The following TEX9 variants were observed in gnomAD, a reference collection of about 807,000 sequenced individuals.
TEX9 encodes testis-expressed protein 9.
In TEX9, 74 loss-of-function variants were observed where a neutral mutation model predicts 59.6. The ratio of observed to expected loss-of-function variants is 1.24; its 90% CI spans 1.03 to 1.51. The LOEUF is 1.51. Ranked by LOEUF, TEX9 falls within the 40% of genes most tolerant of loss-of-function variation. TEX9 has a pLI of 0.00. For synonymous variants in TEX9, 186 were observed against 152.2 expected, an observed-to-expected ratio of 1.22 and a Z score of -1.64; for missense variants, 522 against 447.8, an observed-to-expected ratio of 1.17 and a Z score of -1.49.
chr15:56,387,929 C>T (rs1408919934), intron 4 of TEX9, among the ~76,000 whole-genome samples: 6 of 151,918 alleles, frequency 3.9e-5, no homozygotes, highest in African/African-American at 7.2e-5. Context: ...AAATGAATTG[C>T]ATTTTACGTG....
chr15:56,431,387 C>G (rs1304791617), intron 12 of TEX9: 2 of 1,611,824 alleles, frequency 1.2e-6, no homozygotes, highest in Non-Finnish European at 1.7e-6. Flanking sequence ...GGGAGATAGC[C>G]TAGTAAGTTT....
At chr15:56,309,410 G>C (rs1330356684) in intron 1 of TEX9, among the ~76,000 whole-genome samples, 2 of 152,120 alleles carry the variant, frequency 1.3e-5, no homozygotes, top group African/African-American at 2.4e-5. Context: ...AATCCCAGTT[G>C]GTTGTAGTGT....
chr15:56,288,096 A>G (rs997334963), intron 1 of TEX9, among the ~76,000 whole-genome samples: 18 of 152,296 alleles, frequency 1.2e-4, no homozygotes, highest in African/African-American at 3.8e-4. Context: ...AGCAATCTGC[A>G]TACTATTTTC....
chr15:56,388,029 C>T (rs555155072), intron 4 of TEX9, among the ~76,000 whole-genome samples: 36 of 152,130 alleles, frequency 2.4e-4, no homozygotes, highest in African/African-American at 8.2e-4. Flanking sequence ...TTGAACAAGG[C>T]AGACGTGATT....
At chr15:56,405,833 G>A (rs1247461032) in intron 9 of TEX9, among the ~76,000 whole-genome samples, 2 of 151,978 alleles carry the variant, frequency 1.3e-5, no homozygotes, top group African/African-American at 4.8e-5. Context: ...AAATTATTAT[G>A]TATCACTTAA....
intron 1 of TEX9, among the ~76,000 whole-genome samples, chr15:56,249,566 C>T (rs1197442167): frequency 1.3e-5 from 2 of 151,358 alleles, no homozygotes; most frequent in South Asian, 2.1e-4. Context: ...GGTGAAACCC[C>T]GTTTCTACTA....
At chr15:56,298,512 C>T (rs1341269023) in intron 1 of TEX9, among the ~76,000 whole-genome samples, 4 of 151,968 alleles carry the variant, frequency 2.6e-5, no homozygotes, top group Non-Finnish European at 5.9e-5. Context: ...ATTTTTTCTT[C>T]ATACTTCTCT....
At chr15:56,335,900 ATAT>A (rs1468198610) in intron 1 of TEX9, among the ~76,000 whole-genome samples, 3 of 152,198 alleles carry the variant, frequency 2.0e-5, no homozygotes, top group African/African-American at 7.2e-5. Flanking sequence ...TAAATGCAAA[ATAT>A]TATATGATTG....
At position 56,389,522 on chromosome 15, in the gene TEX9, C is replaced by T. The variant is rs1193696939; in HGVS notation, c.395+122C>T. On this transcript the variant is annotated intron_variant, in intron 6 of 12. Transcript: ENST00000352903. Reference sequence around the variant, plus strand: ...TTTTTACACCCTAAACATTAAGTTACACCACATATATCTTATCCACATTCA... The same window carrying T: ...TTTTTACACCCTAAACATTAAGTTATACCACATATATCTTATCCACATTCA... 49 of 680,842 alleles carry T rather than the reference C, an allele frequency of 7.2e-5. No homozygotes were observed. In the East Asian group the frequency reaches 1.2e-3, roughly 16 times the overall value. The allele number at this position is 680,842 out of a possible 1,614,324, so 42.2% of individuals were successfully genotyped here. A position where few individuals can be genotyped will look rare whatever the true frequency, so the allele number is the denominator to read the frequency against.
chr15:56,266,436 GTTTAC>G (rs1221488516), intron 1 of TEX9, among the ~76,000 whole-genome samples: 1 of 151,472 alleles, frequency 6.6e-6, no homozygotes, highest in African/African-American at 2.4e-5. Flanking sequence ...CTAACTCGTT[GTTTAC>G]TTTAGGTATT....
intron 1 of TEX9, among the ~76,000 whole-genome samples, chr15:56,271,532 C>A (rs2044531582): frequency 6.6e-6 from 1 of 152,102 alleles, no homozygotes; most frequent in Non-Finnish European, 1.5e-5. Flanking sequence ...CTCTTGACCT[C>A]AGGTGATCCA....
At chr15:56,329,703 T>C (rs1229038429) in intron 1 of TEX9, among the ~76,000 whole-genome samples, 1 of 151,912 alleles carries the variant, frequency 6.6e-6, no homozygotes, top group Admixed American at 6.6e-5. Flanking sequence ...GAAGAAAGAA[T>C]TAGTGAGCAT....
intron 1 of TEX9, among the ~76,000 whole-genome samples, chr15:56,347,031 G>A (rs1309589953): frequency 1.3e-5 from 2 of 152,268 alleles, no homozygotes; most frequent in South Asian, 2.1e-4. Context: ...CCAAATATGC[G>A]TAGGACTTGT....
In TEX9 at chr15:56,373,509, G is replaced by A. The variant is rs575966798; in HGVS notation, c.183+5G>A. ...CAACAAGCTAAGGAAATAATAGTAA[G>A]TATATGTACAATTATTAATAATTCT... is the stretch of plus-strand genomic sequence containing the variant. On this transcript the variant is annotated splice_donor_5th_base_variant and intron_variant, in intron 3 of 12. Coordinates refer to ENST00000352903, the Ensembl canonical transcript of TEX9. 1.3e-6 allele frequency: 2 copies of A among 1,544,620 alleles called. No individual in the cohort carries two copies.
At chr15:56,447,183 G>C (rs2050911992), downstream of TEX9, 1 of 344,484 alleles carries the variant, frequency 2.9e-6, no homozygotes, top group African/African-American at 2.1e-5. Context: ...TGCTTATCCT[G>C]TGTCAATACC....
rs768412639 is a variant in TEX9, at chr15:56,383,794, C to T, written c.184-158C>T. ...TGAAAGGTGCAACTAGTGTTATAGA[C>T]CTTATCTTCATACTATAGCATTTAG... On this transcript the variant is annotated intron_variant, in intron 3 of 12. Transcript: ENST00000352903. Among the ~76,000 whole-genome samples, 4 of 152,126 alleles carry T rather than the reference C, an allele frequency of 2.6e-5. No homozygotes were observed. In the South Asian group the frequency reaches 8.3e-4, roughly 32 times the overall value.
chr15:56,319,765 G>C (rs552782386), intron 1 of TEX9, among the ~76,000 whole-genome samples: 1 of 152,172 alleles, frequency 6.6e-6, no homozygotes, highest in South Asian at 2.1e-4. Context: ...CAGTTTGTAT[G>C]AGCCAGTGTT....
chr15:56,339,405 A>AC (rs1567091418), intron 1 of TEX9, among the ~76,000 whole-genome samples: 1 of 115,694 alleles, frequency 8.6e-6, no homozygotes, highest in African/African-American at 2.7e-5. Context: ...AAAAAAAAAA[A>AC]AAAAAAAAAC....
intron 10 of TEX9, among the ~76,000 whole-genome samples, chr15:56,422,420 T>G (rs35361016): frequency 0.3 from 46,100 of 151,558 alleles, 8,000 homozygotes; most frequent in Middle Eastern, 0.47. Context: ...TCTTTTTGAA[T>G]TGCTTTTTTA....
Sources: allele counts gnomAD v4.1 joint callset (sites outside exome capture counted in the v4.1 genomes callset), GRCh38; gene constraint gnomAD v4.1.1; transcripts MANE v1.5; gene names NCBI Gene and HGNC (gene_info 2026-07-23, HGNC 2026-07-21).